TCAF1: variants seen among roughly 807,000 people sequenced by gnomAD.
TCAF1 encodes the protein TRPM8 channel associated factor 1.
TCAF1 carries 4 observed loss-of-function variants against 27.3 expected under a neutral mutation model. The observed-to-expected ratio is 0.15, with a 90% confidence interval of 0.07 to 0.34. The LOEUF (loss-of-function observed/expected upper bound fraction) is 0.34, where lower values mean the gene tolerates loss of function less well. TCAF1 is among the 10% of genes least tolerant of loss of function. The pLI, the probability that TCAF1 is intolerant of heterozygous loss-of-function variation, is 1.00. For missense variants in TCAF1, 257 were observed against 425.8 expected (o/e 0.60, Z 3.49); for synonymous variants, 105 against 167.1 (o/e 0.63, Z 2.87).
intron 1 of TCAF1, chr7:143,882,213 C>CAG (rs1431901896): frequency 5.8e-6 from 1 of 173,860 alleles, no homozygotes; most frequent in African/African-American, 2.4e-5. Context: ...CACACACACA[C>CAG]ACACACGAAC....
chr7:143,893,596 ATTT>A (rs1813744848), intron 1 of TCAF1, among the ~76,000 whole-genome samples: 2 of 152,028 alleles, frequency 1.3e-5, no homozygotes, highest in Admixed American at 1.3e-4. Context: ...GAAATAAATA[ATTT>A]TTATTTATTT....
intron 2 of TCAF1, 25 bp downstream of exon 2, chr7:143,875,964 C>A: frequency 6.6e-7 from 1 of 1,515,574 alleles, no homozygotes; most frequent in Non-Finnish European, 8.8e-7. Context: ...CTGGAGCCAA[C>A]TCCCCAGTGG....
At chr7:143,887,857 T>C (rs1372459353) in intron 1 of TCAF1, among the ~76,000 whole-genome samples, 2 of 152,230 alleles carry the variant, frequency 1.3e-5, no homozygotes, top group Admixed American at 6.5e-5. Flanking sequence ...GAGTACATAC[T>C]ATATTGTTAT....
chr7:143,884,156 T>C (rs1452923845), intron 1 of TCAF1, among the ~76,000 whole-genome samples: 1 of 152,170 alleles, frequency 6.6e-6, no homozygotes, highest in East Asian at 1.9e-4. Flanking sequence ...GAGTGCCTCA[T>C]AAATAAATAT....
At chr7:143,900,398 G>A (rs1159889723) in intron 1 of TCAF1, among the ~76,000 whole-genome samples, 1 of 152,034 alleles carries the variant, frequency 6.6e-6, no homozygotes, top group African/African-American at 2.4e-5. Context: ...GGAGTAAGCT[G>A]CCATGTTGCA....
Position 143,874,628 on chromosome 7 carries a change from G to A in TCAF1, c.620+1361C>T, listed in dbSNP as rs1812588183. Among the ~76,000 whole-genome samples, 4 of 151,034 alleles carry A rather than the reference G, an allele frequency of 2.6e-5. No individual in the cohort carries two copies. In the South Asian group the frequency reaches 8.4e-4, roughly 32 times the overall value. On this transcript the variant is annotated intron_variant, in intron 2 of 8. Transcript: ENST00000479870. ...GTAGACTGAAAAATGTCCTACAAGGGACAGTAGGAGCTTCTATGCCACCAC... is the reference window on the plus strand; with the variant it reads ...GTAGACTGAAAAATGTCCTACAAGGAACAGTAGGAGCTTCTATGCCACCAC...
chr7:143,897,173 T>TCA (rs1263752004), intron 1 of TCAF1, among the ~76,000 whole-genome samples: 1 of 115,014 alleles, frequency 8.7e-6, no homozygotes, highest in African/African-American at 3.5e-5. Context: ...TATATATATA[T>TCA]ATATTCATAT....
At chr7:143,857,593 C>T (rs1400870584) in intron 7 of TCAF1, among the ~76,000 whole-genome samples, 3 of 152,296 alleles carry the variant, frequency 2.0e-5, no homozygotes, top group Admixed American at 1.3e-4. Flanking sequence ...TCAGTGAGGG[C>T]CATGGTAACA....
intron 1 of TCAF1, among the ~76,000 whole-genome samples, chr7:143,899,723 G>A (rs571194796): frequency 3.9e-5 from 6 of 152,310 alleles, no homozygotes; most frequent in Admixed American, 3.3e-4. Flanking sequence ...TTGGAAAGAT[G>A]TCTGTGGCAT....
chr7:143,893,126 T>C lies in TCAF1; in HGVS notation c.-15+8835A>G, dbSNP rs548451201. 5.3e-5 allele frequency among the ~76,000 whole-genome samples: 8 copies of C among 152,290 alleles called. No individual in the cohort carries two copies. In the South Asian group the frequency reaches 1.2e-3, roughly 24 times the overall value. ...TAACCAAAAGAAAGCTAGTATGGCTTATGTACAATGGGCAAAGTAAACATT... is the reference window on the plus strand; with the variant it reads ...TAACCAAAAGAAAGCTAGTATGGCTCATGTACAATGGGCAAAGTAAACATT... On this transcript the variant is annotated intron_variant, in intron 1 of 8. Coordinates refer to ENST00000479870, the MANE Select transcript of TCAF1 (RefSeq NM_014719.3).
rs1409408077 is a variant in TCAF1, at chr7:143,859,857, T to TTATATACATATATATA, written c.2167+350_2167+351insTATATATATGTATATA. ...CCTTGACATGCTGACCTAAACTGTT[T>TTATATACATATATATA]TATATACACATATACATATATACAT... On this transcript the variant is annotated intron_variant, in intron 6 of 8. Transcript: ENST00000479870. 3.4e-4 allele frequency among the ~76,000 whole-genome samples: 24 copies of TTATATACATATATATA among 70,780 alleles called. 1 individual carries two copies. Among genetic ancestry groups the TTATATACATATATATA allele is most frequent in the African/African-American group, 8.4e-4 (16 of 18,952 alleles). 46.4% of individuals were successfully genotyped at this position (70,780 alleles called of 152,430 possible).
At chr7:143,882,704 A>G in intron 1 of TCAF1, 1 of 975,376 alleles carries the variant, frequency 1.0e-6, no homozygotes, top group Non-Finnish European at 1.2e-6. Context: ...CCCCTTCTCC[A>G]GCCTGCCAGG....
intron 1 of TCAF1, among the ~76,000 whole-genome samples, chr7:143,899,325 T>C (rs967594736): frequency 1.3e-5 from 2 of 152,208 alleles, no homozygotes; most frequent in African/African-American, 4.8e-5. Context: ...AATAAAACTA[T>C]AGTGGTTAAA....
chr7:143,883,069 A>C (rs1457903308), intron 1 of TCAF1, among the ~76,000 whole-genome samples: 2 of 152,188 alleles, frequency 1.3e-5, no homozygotes, highest in African/African-American at 4.8e-5. Flanking sequence ...GTTTCATTAA[A>C]GATACAAACT....
chr7:143,900,325 G>A (rs943683765), intron 1 of TCAF1, among the ~76,000 whole-genome samples: 59 of 152,124 alleles, frequency 3.9e-4, no homozygotes, highest in Admixed American at 3.2e-3. Context: ...TCGCTTCTGA[G>A]GTTACAGAAA....
chr7:143,883,512 T>TTTTC lies in TCAF1; in HGVS notation c.-14-6891_-14-6890insGAAA, dbSNP rs1813211595. Among the ~76,000 whole-genome samples, 3 of 141,188 alleles carry TTTTC rather than the reference T, an allele frequency of 2.1e-5. No homozygotes were observed. In the East Asian group the frequency reaches 6.1e-4, roughly 29 times the overall value. The allele number at this position is 141,188 out of a possible 152,430, so 92.6% of individuals were successfully genotyped here. Reference sequence around the variant, plus strand: ...TTCTTTCCTTTTTCTTTTTTTTTTTTTTTTTTTTTTTGAGACGGAGTCTCG... The same window carrying TTTTC: ...TTCTTTCCTTTTTCTTTTTTTTTTTTTTTCTTTTTTTTTTTGAGACGGAGTCTCG... On this transcript the variant is annotated intron_variant, in intron 1 of 8. Coordinates refer to ENST00000479870, the MANE Select transcript of TCAF1 (RefSeq NM_014719.3).
chr7:143,887,226 C>T (rs899133472), intron 1 of TCAF1, among the ~76,000 whole-genome samples: 1 of 152,070 alleles, frequency 6.6e-6, no homozygotes, highest in Non-Finnish European at 1.5e-5. Flanking sequence ...GGTAAATATT[C>T]TGAAACATGT....
At chr7:143,886,413 C>A in intron 1 of TCAF1, 1 of 706,866 alleles carries the variant, frequency 1.4e-6, no homozygotes, top group Non-Finnish European at 1.7e-6. Context: ...TACGACATCC[C>A]ATATAAATTA....
At chr7:143,896,245 C>T (rs1813866778) in intron 1 of TCAF1, among the ~76,000 whole-genome samples, 2 of 151,542 alleles carry the variant, frequency 1.3e-5, no homozygotes, top group Non-Finnish European at 3.0e-5. Flanking sequence ...GATTTTAAAA[C>T]AGAAAACATT....
Sources: allele counts gnomAD v4.1 joint callset (sites outside exome capture counted in the v4.1 genomes callset), GRCh38; gene constraint gnomAD v4.1.1; transcripts MANE v1.5; gene names NCBI Gene and HGNC (gene_info 2026-07-23, HGNC 2026-07-21).